SORCS3: variants seen among roughly 807,000 people sequenced by gnomAD.
SORCS3 encodes the protein VPS10 domain-containing receptor SorCS3.
In SORCS3, 57 loss-of-function variants were observed where a neutral mutation model predicts 146.3. The ratio of observed to expected loss-of-function variants is 0.39; its 90% CI spans 0.31 to 0.49. The LOEUF (loss-of-function observed/expected upper bound fraction) is 0.49. Among genes scored for constraint, SORCS3 ranks in the 20% least tolerant of loss-of-function variants. SORCS3 has a pLI of 0.92. For synonymous variants in SORCS3, 653 were observed against 618.5 expected, an observed-to-expected ratio of 1.06 and a Z score of -0.83; for missense variants, 1,341 against 1,575.5, an observed-to-expected ratio of 0.85 and a Z score of 2.52.
At chr10:105,060,942 C>CA (rs143519909) in intron 5 of SORCS3, among the ~76,000 whole-genome samples, 3,046 of 136,390 alleles carry the variant, frequency 0.022, 48 homozygotes, top group African/African-American at 0.049. Context: ...CGTCTTAAAA[C>CA]AAAAAAAAAA....
In SORCS3 at chr10:104,794,515, G is replaced by A. The variant is rs57145682; in HGVS notation, c.628-48277G>A. ...AGGAAGAAGAGCTACAGTAATCCAG[G>A]GGAAATGGACCAGAAGAGCCTCCAT... On this transcript the variant is annotated intron_variant, in intron 1 of 26. Transcript: ENST00000369701. 9.2e-3 allele frequency among the ~76,000 whole-genome samples: 1,397 copies of A among 151,782 alleles called. 75 individuals carry two copies. The East Asian group carries it at 0.16, about 18-fold the overall frequency.
intron 1 of SORCS3, among the ~76,000 whole-genome samples, chr10:104,643,738 G>GTGTGTGTGTGTGTGTGTGTGTT: frequency 6.6e-6 from 1 of 151,774 alleles, no homozygotes; most frequent in African/African-American, 2.4e-5. Context: ...GTGTGTGTGT[G>GTGTGTGTGTGTGTGTGTGTGTT]TGTGTGTTGG....
chr10:104,731,648 T>C (rs1254499778), intron 1 of SORCS3, among the ~76,000 whole-genome samples: 2 of 152,180 alleles, frequency 1.3e-5, no homozygotes, highest in Non-Finnish European at 2.9e-5. Flanking sequence ...ATCTGGAACT[T>C]ACATGCTTTT....
At chr10:104,768,784 G>T (rs1018992202) in intron 1 of SORCS3, among the ~76,000 whole-genome samples, 30 of 152,276 alleles carry the variant, frequency 2.0e-4, no homozygotes, top group African/African-American at 7.2e-4. Flanking sequence ...TACTTTCTCT[G>T]CCTAATTAGA....
chr10:105,246,027 T>A (rs548260764), intron 21 of SORCS3, among the ~76,000 whole-genome samples: 2 of 152,230 alleles, frequency 1.3e-5, no homozygotes, highest in African/African-American at 4.8e-5. Flanking sequence ...TCAGGAGTCA[T>A]GATCCCTGCC....
At chr10:104,881,514 C>T (rs924186528) in intron 2 of SORCS3, among the ~76,000 whole-genome samples, 1 of 151,988 alleles carries the variant, frequency 6.6e-6, no homozygotes, top group Non-Finnish European at 1.5e-5. Flanking sequence ...TGTGAGGGAG[C>T]CTACAACATG....
At chr10:104,971,753 G>A (rs965720121) in intron 3 of SORCS3, among the ~76,000 whole-genome samples, 1 of 152,116 alleles carries the variant, frequency 6.6e-6, no homozygotes, top group Non-Finnish European at 1.5e-5. Context: ...AAGTCAAAAT[G>A]GAGGGTTAAG....
intron 3 of SORCS3, among the ~76,000 whole-genome samples, chr10:104,972,632 G>T (rs2054867389): frequency 6.6e-6 from 1 of 151,976 alleles, no homozygotes; most frequent in African/African-American, 2.4e-5. Flanking sequence ...GGGAGAGAGA[G>T]AGAAAGAGAG....
rs190967978 is a variant in SORCS3 at position 104,892,492 on chromosome 10, C to A, written c.696-23341C>A. On this transcript the variant is annotated intron_variant, in intron 2 of 26. Coordinates refer to ENST00000369701, the MANE Select transcript of SORCS3 (RefSeq NM_014978.3). The stretch of plus-strand genomic sequence containing the variant: ...ATCCCAGCACTTTGGGAGGCTGAGG[C>A]GGGCAGATCACCTGAGGTCAGGAGT... 7.9e-3 allele frequency among the ~76,000 whole-genome samples: 1,201 copies of A among 152,218 alleles called. 13 individuals are homozygous for A. The highest frequency in any genetic ancestry group is 0.012 in the Non-Finnish European group (839 of 68,012).
At chr10:104,892,584 G>C (rs1051734503) in intron 2 of SORCS3, among the ~76,000 whole-genome samples, 1 of 152,108 alleles carries the variant, frequency 6.6e-6, no homozygotes, top group Admixed American at 6.5e-5. Context: ...TTAGCAGGGC[G>C]TGGTGGCGTG....
intron 1 of SORCS3, among the ~76,000 whole-genome samples, chr10:104,819,406 C>T (rs2017847099): frequency 6.6e-6 from 1 of 152,174 alleles, no homozygotes; most frequent in African/African-American, 2.4e-5. Context: ...ATCTTCATCT[C>T]TTTCTCTCTC....
At chr10:104,813,578 A>G (rs2017762917) in intron 1 of SORCS3, among the ~76,000 whole-genome samples, 1 of 152,214 alleles carries the variant, frequency 6.6e-6, no homozygotes, top group East Asian at 1.9e-4. Flanking sequence ...TGCTGGGTGC[A>G]TGTATAGGAC....
chr10:104,977,644 C>G, intron 4 of SORCS3, 151 bp downstream of exon 4: 2 of 669,900 alleles, frequency 3.0e-6, no homozygotes, highest in Non-Finnish European at 4.7e-6. Flanking sequence ...TCTGCAGCAA[C>G]TAACTTTCCT....
chr10:104,947,347 G>A (rs1432967283), intron 3 of SORCS3, among the ~76,000 whole-genome samples: 1 of 152,076 alleles, frequency 6.6e-6, no homozygotes, highest in East Asian at 1.9e-4. Context: ...CAGAAAGAAG[G>A]GCTGATAACA....
At chr10:105,154,435 T>C (rs1359307159) in intron 9 of SORCS3, among the ~76,000 whole-genome samples, 1 of 152,220 alleles carries the variant, frequency 6.6e-6, no homozygotes, top group Non-Finnish European at 1.5e-5. Context: ...AGGGGCCTGC[T>C]GTCAGTTTCC....
intron 5 of SORCS3, among the ~76,000 whole-genome samples, chr10:105,067,586 C>T (rs996273574): frequency 1.3e-5 from 2 of 152,294 alleles, no homozygotes; most frequent in Non-Finnish European, 2.9e-5. Flanking sequence ...CTGTTTGCCT[C>T]CTTTTCTTCA....
chr10:104,930,828 G>A (rs200994330), intron 3 of SORCS3, among the ~76,000 whole-genome samples: 4 of 152,158 alleles, frequency 2.6e-5, no homozygotes, highest in Admixed American at 6.5e-5. Context: ...CTCTTTCCTC[G>A]TCTGTGTAAT....
intron 2 of SORCS3, among the ~76,000 whole-genome samples, chr10:104,901,616 GA>G (rs1219930038): frequency 6.6e-6 from 1 of 152,004 alleles, no homozygotes; most frequent in Non-Finnish European, 1.5e-5. Context: ...GTCTCTCCAG[GA>G]GAGGACTGTC....
At chr10:105,004,437 T>C (rs1035107755) in intron 4 of SORCS3, among the ~76,000 whole-genome samples, 1 of 152,138 alleles carries the variant, frequency 6.6e-6, no homozygotes, top group African/African-American at 2.4e-5. Context: ...ACCATGTTAC[T>C]GAATTTCTAG....
Sources: allele counts gnomAD v4.1 joint callset (sites outside exome capture counted in the v4.1 genomes callset), GRCh38; gene constraint gnomAD v4.1.1; transcripts MANE v1.5; gene names NCBI Gene and HGNC (gene_info 2026-07-23, HGNC 2026-07-21).